The following RBM39 variants were observed in gnomAD, a reference collection of about 807,000 sequenced individuals.
RBM39 encodes RNA-binding protein 39.
A neutral mutation model predicts 79.6 loss-of-function variants in RBM39; 12 were observed. The observed-to-expected ratio is 0.15, with a 90% CI of 0.10 to 0.24. The LOEUF (loss-of-function observed/expected upper bound fraction) is 0.24, where lower values mean the gene tolerates loss of function less well. RBM39 is among the 10% of genes least tolerant of loss of function. The probability of loss-of-function intolerance (pLI) is 1.00; values close to 1 mark genes in which losing one functional copy is unlikely to be tolerated. For synonymous variants in RBM39, 185 were observed against 208.4 expected (o/e 0.89, Z 0.97); for missense variants, 243 against 653.4 (o/e 0.37, Z 6.85).
At chr20:35,731,681 C>A (rs539218407) in intron 4 of RBM39, 2 of 484,284 alleles carry the variant, frequency 4.1e-6, no homozygotes, top group Non-Finnish European at 7.4e-6. Context: ...ATCCAGTTTG[C>A]GTTGACTGGC....
rs1331583243 is a variant in RBM39, at chr20:35,703,514, T to TC, written c.*966dup. The TC allele has an allele frequency of 6.6e-6, 1 of 152,342 alleles. No homozygotes were observed. Among genetic ancestry groups the TC allele is most frequent in the Admixed American group, 6.5e-5 (1 of 15,276 alleles). The allele number at this position is 152,342 out of a possible 1,614,324, so 9.4% of individuals were successfully genotyped here. ...AAGTTTCCGCAGACTCGGAACATTT[T>TC]CCCAAGAGGCAAGTACTGAATTGAG... On this transcript the variant is annotated 3_prime_UTR_variant, in exon 17 of 17. Coordinates refer to ENST00000253363, the MANE Select transcript of RBM39 (RefSeq NM_184234.3).
intron 8 of RBM39, among the ~76,000 whole-genome samples, chr20:35,722,411 AAAAT>A (rs1569028924): frequency 1.8e-5 from 2 of 113,846 alleles, no homozygotes; most frequent in African/African-American, 7.6e-5. Context: ...AGTCTCAAAA[AAAAT>A]AAAAATAAAA....
intron 9 of RBM39, 60 bp from the exon 10 acceptor site, chr20:35,716,865 CCT>C (rs1555893027): frequency 5.3e-6 from 6 of 1,129,244 alleles, no homozygotes; most frequent in African/African-American, 3.2e-5. Flanking sequence ...TACTTTCTTC[CCT>C]GAGACATGGT....
At chr20:35,736,183 G>A (rs984412212) in intron 3 of RBM39, among the ~76,000 whole-genome samples, 1 of 152,022 alleles carries the variant, frequency 6.6e-6, no homozygotes, top group Admixed American at 6.6e-5. Context: ...TTAGAGAATT[G>A]CAAAACAAAA....
rs1204074434 is a variant in RBM39 at position 35,725,086 on chromosome 20, T to C, written c.486A>G (p.Ala162=). The C allele has an allele frequency of 6.2e-7, 1 of 1,611,828 alleles. No homozygotes were observed. The highest frequency in any genetic ancestry group is 2.2e-5 in the East Asian group (1 of 44,822). Residue 162 remains alanine (A), a synonymous_variant, in exon 7 of 17, where the codon GCA becomes GCG. Transcript: ENST00000253363. ...ARTVFCMQLA[A]RIRPRDLEEF... is the part of the protein sequence containing the mutation. ...CTTCCAAATCCCTTGGTCGAATTCT[T>C]GCCGCCAGCTGCATACAGAAGACTG...
At chr20:35,730,775 G>C (rs1483762747) in intron 4 of RBM39, among the ~76,000 whole-genome samples, 1 of 151,930 alleles carries the variant, frequency 6.6e-6, no homozygotes, top group Non-Finnish European at 1.5e-5. Context: ...TGATAAATGG[G>C]ACAAAAGCAG....
intron 13 of RBM39, 110 bp downstream of exon 13, chr20:35,709,114 T>C (rs544289799): frequency 1.3e-4 from 119 of 927,172 alleles, no homozygotes; most frequent in Non-Finnish European, 1.5e-4. Flanking sequence ...GTGTCAAAAT[T>C]TGGTCCAAAT....
intron 6 of RBM39, among the ~76,000 whole-genome samples, chr20:35,727,091 C>A (rs1391859666): frequency 6.6e-6 from 1 of 152,032 alleles, no homozygotes; most frequent in Non-Finnish European, 1.5e-5. Context: ...CCACGCCAGG[C>A]ACAAAAGCTT....
chr20:35,719,061 T>C (rs1354393524), intron 9 of RBM39, among the ~76,000 whole-genome samples: 2 of 152,152 alleles, frequency 1.3e-5, no homozygotes, highest in South Asian at 2.1e-4. Context: ...TGCATACTAA[T>C]TGTTCTGGGG....
chr20:35,716,605 T>C (rs140355897), intron 10 of RBM39, 135 bp downstream of exon 10: 11,725 of 671,538 alleles, frequency 0.017, 166 homozygotes, highest in Middle Eastern at 0.048. Flanking sequence ...GGCTCAGTCC[T>C]GTAATCCCAG....
chr20:35,710,405 ATT>A (rs1380041537), intron 12 of RBM39: 3 of 152,192 alleles, frequency 2.0e-5, no homozygotes, highest in Non-Finnish European at 4.4e-5. Flanking sequence ...TAATAACAGA[ATT>A]TGTCTTTTTT....
At chr20:35,720,382 G>GT (rs1161061861) in intron 9 of RBM39, among the ~76,000 whole-genome samples, 6 of 152,140 alleles carry the variant, frequency 3.9e-5, no homozygotes, top group African/African-American at 7.2e-5. Context: ...ACTTTGCCAT[G>GT]TAACAGCTCA....
At chr20:35,726,170 C>T (rs1400449923) in intron 6 of RBM39, among the ~76,000 whole-genome samples, 1 of 152,114 alleles carries the variant, frequency 6.6e-6, no homozygotes, top group Non-Finnish European at 1.5e-5. Flanking sequence ...GTCTCACTGT[C>T]ACTCAGGCTG....
chr20:35,705,381 T>C lies in RBM39; in HGVS notation c.1308-51A>G, dbSNP rs749032197. ...AAATACTATTGAAACTAACAAACTA[T>C]ATATTTACAAATGTATCAAAAAATT... On this transcript the variant is annotated intron_variant, in intron 14 of 16. Transcript: ENST00000253363. 4 of 1,006,214 alleles carry C rather than the reference T, an allele frequency of 4.0e-6. No homozygotes were observed. The East Asian group carries it at 8.1e-5, about 20-fold the overall frequency. The allele number at this position is 1,006,214 out of a possible 1,614,324, so 62.3% of individuals were successfully genotyped here.
rs2035358515 is a variant in RBM39 at position 35,703,125 on chromosome 20, T to C, written c.*1356A>G. ...GAGCAGCATTTCCTACTCAAAAGATTTACCAAGAGATAAACAGTTGAAGAG... is the reference window on the plus strand; with the variant it reads ...GAGCAGCATTTCCTACTCAAAAGATCTACCAAGAGATAAACAGTTGAAGAG... On this transcript the variant is annotated 3_prime_UTR_variant, in exon 17 of 17. Coordinates refer to ENST00000253363, the MANE Select transcript of RBM39 (RefSeq NM_184234.3). 1 of 152,092 alleles carries C rather than the reference T, an allele frequency of 6.6e-6. No individual in the cohort carries two copies. The highest frequency in any genetic ancestry group is 1.5e-5 in the Non-Finnish European group (1 of 68,004). 9.4% of individuals were successfully genotyped at this position (152,092 alleles called of 1,614,324 possible).
rs2039788492 is a variant in RBM39 at position 35,735,303 on chromosome 20, A to G, written c.102-3168T>C. 2.0e-5 allele frequency among the ~76,000 whole-genome samples: 3 copies of G among 152,250 alleles called. No homozygotes were observed. In the South Asian group the frequency reaches 6.2e-4, roughly 31 times the overall value. On this transcript the variant is annotated intron_variant, in intron 3 of 16. Coordinates refer to ENST00000253363, the MANE Select transcript of RBM39 (RefSeq NM_184234.3). ...GGGCAAGCTCAAGCACTTAGGATGC[A>G]TACCTTGACATATGCAAAAACTCAG...
At chr20:35,716,007 G>C (rs531350958) in intron 10 of RBM39, among the ~76,000 whole-genome samples, 47 of 152,262 alleles carry the variant, frequency 3.1e-4, no homozygotes, top group African/African-American at 9.9e-4. Context: ...TGTCATGTTT[G>C]CATGGCCTGC....
At position 35,721,766 on chromosome 20, in the gene RBM39, G is replaced by A. The variant is rs1241655306; in HGVS notation, c.799C>T (p.Arg267Cys). 6.2e-7 allele frequency: 1 copy of A among 1,614,070 alleles called. No homozygotes were observed. Among genetic ancestry groups the A allele is most frequent in the South Asian group, 1.1e-5 (1 of 91,084 alleles). Reference sequence around the variant, plus strand: ...CTTCCAAAAGGCTCAAAGATCCCACGAAGCATATCTTCAGTTATGTTGAAG... The same window carrying A: ...CTTCCAAAAGGCTCAAAGATCCCACAAAGCATATCTTCAGTTATGTTGAAG... ...LHFNITEDML[R>C]GIFEPFGRIE... Residue 267 changes from arginine to cysteine, a missense_variant, in exon 9 of 17, where the codon CGT (arginine) becomes TGT (cysteine). Coordinates refer to ENST00000253363, the MANE Select transcript of RBM39 (RefSeq NM_184234.3).
chr20:35,740,688 G>C (rs1414991762), intron 2 of RBM39, 136 bp downstream of exon 2: 1 of 1,309,172 alleles, frequency 7.6e-7, no homozygotes, highest in Non-Finnish European at 1.1e-6. Flanking sequence ...ATTTACTTTT[G>C]TAAGTTACAC....
Sources: allele counts gnomAD v4.1 joint callset (sites outside exome capture counted in the v4.1 genomes callset), GRCh38; gene constraint gnomAD v4.1.1; transcripts MANE v1.5; gene names NCBI Gene and HGNC (gene_info 2026-07-23, HGNC 2026-07-21).